Variants in NCAM2 observed in about 807,000 individuals in gnomAD.
The protein encoded by NCAM2 is N-CAM-2.
NCAM2 carries 30 observed loss-of-function variants against 98.1 expected under a neutral mutation model. The ratio of observed to expected loss-of-function variants is 0.31; its 90% CI spans 0.23 to 0.41. The LOEUF is 0.41. Ranked by LOEUF, NCAM2 falls within the 10% of genes least tolerant of loss-of-function variation. The pLI is 1.00. For missense variants in NCAM2, 867 were observed against 1,005.8 expected, an observed-to-expected ratio of 0.86 and a Z score of 1.87; for synonymous variants, 368 against 342.4, an observed-to-expected ratio of 1.07 and a Z score of -0.83.
At chr21:21,007,372 C>G (rs983142532) in intron 1 of NCAM2, among the ~76,000 whole-genome samples, 1 of 152,046 alleles carries the variant, frequency 6.6e-6, no homozygotes, top group Non-Finnish European at 1.5e-5. Context: ...AGAAAGAATT[C>G]AGGGCAAGTC....
intron 15 of NCAM2, among the ~76,000 whole-genome samples, chr21:21,485,529 G>A (rs1307100238): frequency 6.6e-6 from 1 of 152,128 alleles, no homozygotes; most frequent in African/African-American, 2.4e-5. Context: ...CGATTTGAGG[G>A]AGTAGCATGA....
intron 9 of NCAM2, among the ~76,000 whole-genome samples, chr21:21,404,337 G>A (rs1360767181): frequency 6.6e-6 from 1 of 152,060 alleles, no homozygotes; most frequent in Non-Finnish European, 1.5e-5. Context: ...TAATTCCCAC[G>A]TGTTGTGGGA....
At chr21:21,477,157 T>C (rs1161440129) in intron 14 of NCAM2, 134 bp from the exon 15 acceptor site, 4 of 533,086 alleles carry the variant, frequency 7.5e-6, no homozygotes, top group Non-Finnish European at 9.3e-6. Context: ...AGCAACTTCA[T>C]GTATCCCTGT....
chr21:21,160,488 C>A (rs1470550558), intron 1 of NCAM2, among the ~76,000 whole-genome samples: 1 of 151,708 alleles, frequency 6.6e-6, no homozygotes, highest in African/African-American at 2.4e-5. Context: ...TACAAAATAT[C>A]CTAAAGTCTT....
chr21:21,497,759 A>C (rs1426371855), intron 15 of NCAM2, among the ~76,000 whole-genome samples: 1 of 152,186 alleles, frequency 6.6e-6, no homozygotes, highest in Admixed American at 6.5e-5. Flanking sequence ...GGTAGTAAGT[A>C]ATAAAATGTC....
At chr21:21,102,763 C>A (rs1034555555) in intron 1 of NCAM2, among the ~76,000 whole-genome samples, 12 of 151,872 alleles carry the variant, frequency 7.9e-5, no homozygotes, top group Non-Finnish European at 1.6e-4. Flanking sequence ...TGTGAATCAA[C>A]CTACTTTTGG....
Position 21,156,292 on chromosome 21 carries a change from T to C in NCAM2, c.56-124286T>C, listed in dbSNP as rs1569086279. Among the ~76,000 whole-genome samples the C allele has an allele frequency of 2.0e-5, 3 of 152,026 alleles. No homozygotes were observed. The East Asian group carries it at 5.8e-4, about 29-fold the overall frequency. ...AATTCCACATTATTCATCTTTGAAC[T>C]CCAAAGGAGTAAATTTATTTTGGAC... On this transcript the variant is annotated intron_variant, in intron 1 of 17. Coordinates refer to ENST00000400546, the MANE Select transcript of NCAM2 (RefSeq NM_004540.5).
In NCAM2 at chr21:21,080,667, A is replaced by AC. The variant is rs900935644; in HGVS notation, c.55+82049_55+82050insC. 8.2e-5 allele frequency among the ~76,000 whole-genome samples: 12 copies of AC among 145,592 alleles called. No individual in the cohort carries two copies. The South Asian group carries it at 2.0e-3, about 24-fold the overall frequency. ...AATTGATAAGATCTCAAAAAAAAAA[A>AC]AAAAAAAAAAAAACCAACATTGATT... is the stretch of plus-strand genomic sequence containing the variant. On this transcript the variant is annotated intron_variant, in intron 1 of 17. Coordinates refer to ENST00000400546, the MANE Select transcript of NCAM2 (RefSeq NM_004540.5).
chr21:21,481,652 C>T (rs191887900), intron 15 of NCAM2, among the ~76,000 whole-genome samples: 46 of 152,160 alleles, frequency 3.0e-4, no homozygotes, highest in Admixed American at 2.6e-3. Flanking sequence ...TGAAACAAAT[C>T]AAGGAGTCGT....
In NCAM2 at chr21:21,108,270, C is replaced by CT. The variant is rs368618028; in HGVS notation, c.55+109655dup. Among the ~76,000 whole-genome samples, 6 of 151,944 alleles carry CT rather than the reference C, an allele frequency of 3.9e-5. 1 individual carries two copies. The highest frequency in any genetic ancestry group is 1.4e-4 in the African/African-American group (6 of 41,456). On this transcript the variant is annotated intron_variant, in intron 1 of 17. Transcript: ENST00000400546. Reference sequence around the variant, plus strand: ...TTATTAAAATGTACTGTGTGCCAGGCTTTAAGTCTCACCCAAGAATTCTGC... The same window carrying CT: ...TTATTAAAATGTACTGTGTGCCAGGCTTTTAAGTCTCACCCAAGAATTCTGC...
At position 21,186,258 on chromosome 21, in the gene NCAM2, T is replaced by A. The variant is rs73334360; in HGVS notation, c.56-94320T>A. Reference sequence around the variant, plus strand: ...ATAGCTCAAATTTATGTCTTCTTTTTTCATCTCTTTTCTAAGGAACTTAAA... The same window carrying A: ...ATAGCTCAAATTTATGTCTTCTTTTATCATCTCTTTTCTAAGGAACTTAAA... On this transcript the variant is annotated intron_variant, in intron 1 of 17. Transcript: ENST00000400546. Among the ~76,000 whole-genome samples the A allele has an allele frequency of 4.0e-3, 613 of 152,296 alleles. 10 individuals are homozygous for A. The highest frequency in any genetic ancestry group is 0.014 in the African/African-American group (589 of 41,582).
At chr21:21,530,283 TTTAATTATATATAATTA>T (rs1989596625) in intron 16 of NCAM2, among the ~76,000 whole-genome samples, 1 of 131,656 alleles carries the variant, frequency 7.6e-6, no homozygotes, top group Non-Finnish European at 1.6e-5. Flanking sequence ...TATAATTTAA[TTTAATTATATATAATTA>T]AATTAAATTA....
rs554048477 is a variant in NCAM2, at chr21:21,410,549, A to C, written c.1383+88A>C. On this transcript the variant is annotated intron_variant, in intron 10 of 17. Transcript: ENST00000400546. ...TATATTTAAATATCTTCATATGCAT[A>C]TATATATATAATAAGAGAGAGAAAT... The C allele has an allele frequency of 6.9e-5, 44 of 637,974 alleles. No individual in the cohort carries two copies. The South Asian group carries it at 1.5e-3, about 22-fold the overall frequency. The allele number at this position is 637,974 out of a possible 1,614,324, so 39.5% of individuals were successfully genotyped here.
chr21:21,184,638 G>A (rs997054102), intron 1 of NCAM2, among the ~76,000 whole-genome samples: 3 of 152,062 alleles, frequency 2.0e-5, no homozygotes, highest in African/African-American at 7.2e-5. Context: ...TTAAAATCAG[G>A]ATGGTTATTT....
intron 1 of NCAM2, among the ~76,000 whole-genome samples, chr21:21,256,834 C>G (rs571280403): frequency 6.6e-6 from 1 of 152,264 alleles, no homozygotes; most frequent in South Asian, 2.1e-4. Flanking sequence ...TTCATATACG[C>G]TGGAAATCCA....
chr21:21,259,673 C>T (rs1367067061), intron 1 of NCAM2, among the ~76,000 whole-genome samples: 2 of 152,070 alleles, frequency 1.3e-5, no homozygotes, highest in Non-Finnish European at 2.9e-5. Context: ...ACTGAGACCT[C>T]TGCACCCTCA....
rs767461758 is a variant in NCAM2 at position 21,543,115 on chromosome 21, C to A, written c.*5158C>A. 7 of 151,566 alleles carry A rather than the reference C, an allele frequency of 4.6e-5. No homozygotes were observed. The highest frequency in any genetic ancestry group is 1.0e-4 in the Non-Finnish European group (7 of 67,798). The allele number at this position is 151,566 out of a possible 1,614,324, so 9.4% of individuals were successfully genotyped here. ...TTAATTTATATATTCCATTCAAATT[C>A]TATATTCTTAAGTTAGCTACCACAA... On this transcript the variant is annotated 3_prime_UTR_variant, in exon 18 of 18. Coordinates refer to ENST00000400546, the MANE Select transcript of NCAM2 (RefSeq NM_004540.5).
At chr21:21,354,970 G>T (rs1187360935) in intron 8 of NCAM2, among the ~76,000 whole-genome samples, 6 of 152,116 alleles carry the variant, frequency 3.9e-5, no homozygotes, top group Admixed American at 1.3e-4. Context: ...TAGATCACCT[G>T]CATAATTTGT....
chr21:21,275,312 T>C (rs1034472473), intron 1 of NCAM2, among the ~76,000 whole-genome samples: 39 of 151,512 alleles, frequency 2.6e-4, no homozygotes, highest in Non-Finnish European at 4.3e-4. Context: ...TGGTGGCGGG[T>C]GCCTGTAGTC....
Sources: gnomAD v4.1 joint callset for allele counts (sites outside exome capture counted in the v4.1 genomes callset) on GRCh38, gnomAD v4.1.1 for gene constraint, MANE v1.5 for transcripts, NCBI Gene and HGNC (gene_info 2026-07-23, HGNC 2026-07-21) for gene names.